The following MPPED1 variants were observed in gnomAD, a reference collection of about 807,000 sequenced individuals.
MPPED1 encodes metallophosphoesterase domain containing 1, also known as metallophosphoesterase domain-containing protein 1.
In MPPED1, 16 loss-of-function variants were observed where a neutral mutation model predicts 36.2. That is an observed-to-expected ratio of 0.44 (90% CI 0.30 to 0.67). The LOEUF (loss-of-function observed/expected upper bound fraction) is 0.67, where lower values mean the gene tolerates loss of function less well. Ranked by LOEUF, MPPED1 falls within the 30% of genes least tolerant of loss-of-function variation. The pLI, the probability that MPPED1 is intolerant of heterozygous loss-of-function variation, is 0.10. For missense variants in MPPED1, 307 were observed against 453.4 expected (o/e 0.68, Z 2.93); for synonymous variants, 199 against 191.3 (o/e 1.04, Z -0.33).
chr22:43,487,090 G>A (rs1349380888), intron 4 of MPPED1, among the ~76,000 whole-genome samples: 6 of 151,992 alleles, frequency 3.9e-5, no homozygotes, highest in Admixed American at 1.3e-4. Flanking sequence ...TTCATTCTTC[G>A]TTCATTCATT....
At chr22:43,438,959 T>C (rs1205748046) in intron 3 of MPPED1, among the ~76,000 whole-genome samples, 1 of 152,232 alleles carries the variant, frequency 6.6e-6, no homozygotes, top group African/African-American at 2.4e-5. Flanking sequence ...CACAACTTGC[T>C]CCTTCCCTGT....
chr22:43,421,354 TA>T (rs1929267884), intron 1 of MPPED1, among the ~76,000 whole-genome samples: 1 of 152,254 alleles, frequency 6.6e-6, no homozygotes, highest in African/African-American at 2.4e-5. Flanking sequence ...GAACCCCCTT[TA>T]TGTGAAATGC....
intron 3 of MPPED1, among the ~76,000 whole-genome samples, chr22:43,470,514 C>A (rs554090325): frequency 6.6e-6 from 1 of 152,336 alleles, no homozygotes; most frequent in East Asian, 1.9e-4. Flanking sequence ...ACCAACCATT[C>A]ATTCATCCAT....
rs1473653941 is a variant in MPPED1 at position 43,474,639 on chromosome 22, G to GGCCGA, written c.407-97_407-96insGCCGA. ...AGCTGACCTTTGACCAGGAGTTCAT[G>GGCCGA]CAGCTTCCTCCTGCCCGCCCCTCTC... is the stretch of plus-strand genomic sequence containing the variant. On this transcript the variant is annotated intron_variant, in intron 3 of 6. Transcript: ENST00000443721. This position sits in a 1 kb window ranked among gnomAD's most constrained non-coding sequence, Gnocchi z 5.2. The GGCCGA allele has an allele frequency of 6.4e-7, 1 of 1,563,138 alleles. No individual in the cohort carries two copies. The highest frequency in any genetic ancestry group is 1.4e-5 in the African/African-American group (1 of 73,604).
chr22:43,498,877 G>T (rs956794243), intron 5 of MPPED1, among the ~76,000 whole-genome samples: 1 of 152,034 alleles, frequency 6.6e-6, no homozygotes, highest in African/African-American at 2.4e-5. Context: ...TCCCATCTGG[G>T]GGCTCTCTCA....
rs369155744 is a variant in MPPED1, at chr22:43,487,914, C to G, written c.633-10321C>G. Among the ~76,000 whole-genome samples, 108 of 152,156 alleles carry G rather than the reference C, an allele frequency of 7.1e-4. 1 individual carries two copies. Among genetic ancestry groups the G allele is most frequent in the African/African-American group, 2.5e-3 (102 of 41,486 alleles). ...ATTTGCTGTGGGCAGGGCGGTGGGG[C>G]GGGTGGCGCGAGGCTGATTCCTGGT... is the stretch of plus-strand genomic sequence containing the variant. On this transcript the variant is annotated intron_variant, in intron 4 of 6. Transcript: ENST00000443721.
Position 43,500,211 on chromosome 22 carries a change from G to GTGGTGA in MPPED1, c.748+1864_748+1865insTGATGG, listed in dbSNP as rs1569091732. On this transcript the variant is annotated intron_variant, in intron 5 of 6. Coordinates refer to ENST00000443721, the MANE Select transcript of MPPED1 (RefSeq NM_001044370.2). ...GGTGATGGAGGTGGTAATGGAGGTG[G>GTGGTGA]TGGGGGTGATGGTGGAGGTGGTGAT... 1.4e-3 allele frequency among the ~76,000 whole-genome samples: 63 copies of GTGGTGA among 45,290 alleles called. 1 individual carries two copies. Among genetic ancestry groups the GTGGTGA allele is most frequent in the Admixed American group, 2.3e-3 (8 of 3,538 alleles). 29.7% of individuals were successfully genotyped at this position (45,290 alleles called of 152,430 possible).
chr22:43,434,455 G>A (rs1483293193), intron 2 of MPPED1, among the ~76,000 whole-genome samples: 1 of 152,348 alleles, frequency 6.6e-6, no homozygotes, highest in East Asian at 1.9e-4. Flanking sequence ...CCGACCACAG[G>A]CTTTACTCCA....
At chr22:43,427,449 T>G (rs1929516947) in intron 2 of MPPED1, among the ~76,000 whole-genome samples, 1 of 151,746 alleles carries the variant, frequency 6.6e-6, no homozygotes, top group African/African-American at 2.4e-5. Flanking sequence ...CAGGGGTCTC[T>G]GAGAACTGTA....
chr22:43,448,133 C>T (rs1288359972), intron 3 of MPPED1, among the ~76,000 whole-genome samples: 1 of 152,014 alleles, frequency 6.6e-6, no homozygotes, highest in African/African-American at 2.4e-5. Flanking sequence ...AAGTGATCCA[C>T]CTGCCTTGGC....
chr22:43,460,448 G>A (rs559805332), intron 3 of MPPED1, among the ~76,000 whole-genome samples: 5 of 151,580 alleles, frequency 3.3e-5, no homozygotes, highest in Admixed American at 6.6e-5. Context: ...CTCCTGCCTC[G>A]GCCTCCTGAG....
chr22:43,470,082 C>CCAT (rs1931316696), intron 3 of MPPED1, among the ~76,000 whole-genome samples: 1 of 149,628 alleles, frequency 6.7e-6, no homozygotes, highest in Non-Finnish European at 1.5e-5. Context: ...CATCCAGCCA[C>CCAT]CCATCCATCC....
rs1365564163 is a variant in MPPED1, at chr22:43,474,454, C to T, written c.407-282C>T. ...CCTGTTGGGGGCCTGGCAGCAGGTA[C>T]CCCTGTCAGCGATTCCAGCAGCTTC... On this transcript the variant is annotated intron_variant, in intron 3 of 6. Coordinates refer to ENST00000443721, the MANE Select transcript of MPPED1 (RefSeq NM_001044370.2). The surrounding 1 kb of genome is among the most constrained non-coding windows in gnomAD (Gnocchi z 5.2). Among the ~76,000 whole-genome samples the T allele has an allele frequency of 4.6e-5, 7 of 152,250 alleles. No homozygotes were observed. In the East Asian group the frequency reaches 1.2e-3, roughly 25 times the overall value.
At chr22:43,440,302 C>A (rs1284185130) in intron 3 of MPPED1, among the ~76,000 whole-genome samples, 1 of 152,216 alleles carries the variant, frequency 6.6e-6, no homozygotes, top group Non-Finnish European at 1.5e-5. Flanking sequence ...TGAGAAGACT[C>A]AGGGAGCGTA....
At chr22:43,482,967 G>A (rs1931796786) in intron 4 of MPPED1, among the ~76,000 whole-genome samples, 1 of 152,220 alleles carries the variant, frequency 6.6e-6, no homozygotes, top group Non-Finnish European at 1.5e-5. Context: ...GACAGTCCCT[G>A]TCTTATGCTG....
chr22:43,414,798 G>T (rs867939796), intron 1 of MPPED1, among the ~76,000 whole-genome samples: 12 of 152,102 alleles, frequency 7.9e-5, no homozygotes, highest in Non-Finnish European at 1.3e-4. Context: ...TTCTCCCTGA[G>T]ATCTTTCCGT....
chr22:43,421,849 G>A (rs1050122347), intron 1 of MPPED1, among the ~76,000 whole-genome samples: 12 of 152,196 alleles, frequency 7.9e-5, no homozygotes, highest in African/African-American at 2.9e-4. Flanking sequence ...ACCACTTACT[G>A]TCTGCTAGGC....
intron 4 of MPPED1, among the ~76,000 whole-genome samples, chr22:43,480,318 C>G (rs562141017): frequency 3.3e-5 from 5 of 152,140 alleles, no homozygotes; most frequent in Non-Finnish European, 7.4e-5. Flanking sequence ...GCTTACCCAG[C>G]CTTTGCACAA....
Position 43,505,705 on chromosome 22 carries a change from C to A in MPPED1, c.*89C>A. On this transcript the variant is annotated 3_prime_UTR_variant, in exon 7 of 7. Transcript: ENST00000443721. Reference sequence around the variant, plus strand: ...TTCCTTCCATGCTGAGTTGCCTGGACGACCCATCTGGCTGCGGGGACTGGC... The same window carrying A: ...TTCCTTCCATGCTGAGTTGCCTGGAAGACCCATCTGGCTGCGGGGACTGGC... 8.2e-7 allele frequency: 1 copy of A among 1,213,902 alleles called. No individual in the cohort carries two copies. The highest frequency in any genetic ancestry group is 1.2e-6 in the Non-Finnish European group (1 of 852,310). The allele number at this position is 1,213,902 out of a possible 1,614,324, so 75.2% of individuals were successfully genotyped here. A position where few individuals can be genotyped will look rare whatever the true frequency, so the allele number is the denominator to read the frequency against.
Sources: gnomAD v4.1 joint callset for allele counts (sites outside exome capture counted in the v4.1 genomes callset) on GRCh38, gnomAD v4.1.1 for gene constraint, Gnocchi (gnomAD v3.1) non-coding constraint, MANE v1.5 for transcripts, NCBI Gene and HGNC (gene_info 2026-07-23, HGNC 2026-07-21) for gene names.